The following SNX13 variants were observed in gnomAD, a reference collection of about 807,000 sequenced individuals.
SNX13 encodes the protein sorting nexin-13.
SNX13 carries 45 observed loss-of-function variants against 133.6 expected under a neutral mutation model. That is an observed-to-expected ratio of 0.34 (90% CI 0.27 to 0.43). The LOEUF (loss-of-function observed/expected upper bound fraction) is 0.43. Among genes scored for constraint, SNX13 ranks in the 20% least tolerant of loss-of-function variants. SNX13 has a pLI of 1.00. For synonymous variants in SNX13, 414 were observed against 373.9 expected (o/e 1.11, Z -1.24); for missense variants, 1,032 against 1,145.1 (o/e 0.90, Z 1.43).
intron 9 of SNX13, among the ~76,000 whole-genome samples, chr7:17,851,866 T>C (rs1252725487): frequency 6.6e-6 from 1 of 151,916 alleles, no homozygotes; most frequent in Non-Finnish European, 1.5e-5. Flanking sequence ...TACACAGAAA[T>C]ACGCATTTTA....
intron 1 of SNX13, among the ~76,000 whole-genome samples, chr7:17,923,954 A>T (rs897458122): frequency 2.6e-5 from 4 of 152,204 alleles, no homozygotes; most frequent in African/African-American, 7.2e-5. Flanking sequence ...ATTCATCAAA[A>T]ATACATTTAT....
chr7:17,885,372 T>C (rs1795869153), intron 5 of SNX13, among the ~76,000 whole-genome samples: 1 of 151,486 alleles, frequency 6.6e-6, no homozygotes, highest in Non-Finnish European at 1.5e-5. Flanking sequence ...TGACAATGGA[T>C]ATAAGGTTTC....
chr7:17,805,578 C>T (rs190095061), intron 20 of SNX13, among the ~76,000 whole-genome samples: 3 of 152,204 alleles, frequency 2.0e-5, no homozygotes, highest in East Asian at 3.9e-4. Context: ...TAATCTCCAA[C>T]CTGAGTTTAA....
At chr7:17,935,324 C>G (rs1801895853) in intron 1 of SNX13, among the ~76,000 whole-genome samples, 1 of 152,110 alleles carries the variant, frequency 6.6e-6, no homozygotes, top group Non-Finnish European at 1.5e-5. Context: ...GTCAAACTCA[C>G]AGAAGTAGAC....
At chr7:17,814,291 G>C (rs1418960624) in intron 20 of SNX13, among the ~76,000 whole-genome samples, 1 of 152,144 alleles carries the variant, frequency 6.6e-6, no homozygotes, top group Non-Finnish European at 1.5e-5. Flanking sequence ...GCAGGGATCT[G>C]AAACAAAAGA....
chr7:17,797,306 C>G (rs1784157902), intron 24 of SNX13, among the ~76,000 whole-genome samples: 1 of 151,792 alleles, frequency 6.6e-6, no homozygotes, highest in South Asian at 2.1e-4. Context: ...TCTTGAATCT[C>G]AATGCCTTAG....
At chr7:17,815,482 G>A (rs1010031960) in intron 19 of SNX13, among the ~76,000 whole-genome samples, 3 of 152,128 alleles carry the variant, frequency 2.0e-5, no homozygotes, top group Non-Finnish European at 4.4e-5. Flanking sequence ...CTACTCAGCA[G>A]GCTGAGGCAG....
intron 1 of SNX13, among the ~76,000 whole-genome samples, chr7:17,911,077 A>G (rs1015062558): frequency 3.3e-5 from 5 of 152,320 alleles, no homozygotes; most frequent in Admixed American, 3.3e-4. Flanking sequence ...TTAAAAAACA[A>G]AACAAAACAA....
chr7:17,832,286 C>T (rs1788587983), intron 15 of SNX13: 1 of 984,420 alleles, frequency 1.0e-6, no homozygotes, highest in Non-Finnish European at 1.2e-6. Flanking sequence ...AGAAGACAGA[C>T]TGGCTAGAAA....
Position 17,807,376 on chromosome 7 carries a change from G to A in SNX13, c.2065-3796C>T, listed in dbSNP as rs368662566. ...AGCCTCAAGGAAGGTCGAACTGGGC[G>A]GAGCCCACCACAACTCAGCAAAGCC... On this transcript the variant is annotated intron_variant, in intron 20 of 25. Coordinates refer to ENST00000428135, the MANE Select transcript of SNX13 (RefSeq NM_015132.5). 1.2e-4 allele frequency among the ~76,000 whole-genome samples: 19 copies of A among 152,250 alleles called. No homozygotes were observed. The East Asian group carries it at 1.7e-3, about 14-fold the overall frequency.
intron 1 of SNX13, chr7:17,899,707 C>G (rs972628000): frequency 1.3e-5 from 2 of 152,022 alleles, no homozygotes; most frequent in Non-Finnish European, 2.9e-5. Flanking sequence ...AATTCCTTCT[C>G]TGTATTATCT....
intron 1 of SNX13, among the ~76,000 whole-genome samples, chr7:17,935,512 ATCAAGGTGATATGTTAT>A (rs772485274): frequency 1.3e-5 from 2 of 152,246 alleles, no homozygotes; most frequent in Non-Finnish European, 2.9e-5. Flanking sequence ...ATAGAAAATA[ATCAAGGTGATATGTTAT>A]TCAGCTGCAC....
At chr7:17,860,826 A>G (rs1047384464) in intron 9 of SNX13, among the ~76,000 whole-genome samples, 5 of 152,160 alleles carry the variant, frequency 3.3e-5, no homozygotes, top group African/African-American at 1.2e-4. Context: ...CTACATTTCT[A>G]TCTTTATGCC....
At chr7:17,819,519 G>A (rs1238212513) in intron 18 of SNX13, among the ~76,000 whole-genome samples, 2 of 152,124 alleles carry the variant, frequency 1.3e-5, no homozygotes, top group Admixed American at 1.3e-4. Flanking sequence ...GAGGCACCGC[G>A]CTTGGCATTG....
intron 1 of SNX13, among the ~76,000 whole-genome samples, chr7:17,924,927 G>A (rs1800571701): frequency 6.6e-6 from 1 of 152,258 alleles, no homozygotes; most frequent in South Asian, 2.1e-4. Flanking sequence ...GGCAAAACCG[G>A]CCTGGCACAG....
intron 1 of SNX13, among the ~76,000 whole-genome samples, chr7:17,916,079 T>C (rs1799528658): frequency 1.3e-5 from 2 of 152,084 alleles, no homozygotes; most frequent in Admixed American, 6.6e-5. Flanking sequence ...AAGAAAATTA[T>C]GACAGAAAAC....
intron 1 of SNX13, among the ~76,000 whole-genome samples, chr7:17,901,882 C>T (rs1449379231): frequency 6.6e-6 from 1 of 152,152 alleles, no homozygotes; most frequent in Non-Finnish European, 1.5e-5. Flanking sequence ...ATTTGGCCAT[C>T]CTGCTCTGCA....
intron 8 of SNX13, among the ~76,000 whole-genome samples, chr7:17,871,057 G>A (rs919398011): frequency 2.0e-5 from 3 of 151,516 alleles, no homozygotes; most frequent in African/African-American, 4.9e-5. Flanking sequence ...CCAGGCTGGA[G>A]TGCAGTGGCG....
At chr7:17,897,663 G>A (rs529873970) in intron 1 of SNX13, among the ~76,000 whole-genome samples, 5 of 152,134 alleles carry the variant, frequency 3.3e-5, no homozygotes, top group Admixed American at 3.3e-4. Context: ...CAGAGCATCT[G>A]CAATTACTTT....
Sources: gnomAD v4.1 joint callset for allele counts (sites outside exome capture counted in the v4.1 genomes callset) on GRCh38, gnomAD v4.1.1 for gene constraint, MANE v1.5 for transcripts, NCBI Gene and HGNC (gene_info 2026-07-23, HGNC 2026-07-21) for gene names.